MAP7: variants seen among roughly 807,000 people sequenced by gnomAD.
The protein encoded by MAP7 is microtubule associated protein 7.
In MAP7, 52 loss-of-function variants were observed where a neutral mutation model predicts 94.8. The observed-to-expected ratio is 0.55, with a 90% confidence interval of 0.44 to 0.69. The LOEUF is 0.69. Ranked by LOEUF, MAP7 falls within the 30% of genes least tolerant of loss-of-function variation. MAP7 has a pLI of 0.00. For missense variants in MAP7, 940 were observed against 964.6 expected (o/e 0.97, Z 0.34); for synonymous variants, 350 against 357.0 (o/e 0.98, Z 0.22).
chr6:136,487,236 T>A (rs920082484), intron 1 of MAP7, among the ~76,000 whole-genome samples: 4 of 152,206 alleles, frequency 2.6e-5, no homozygotes, highest in Admixed American at 1.3e-4. Context: ...ATGCTTCTGC[T>A]GTAAACTGTA....
intron 1 of MAP7, among the ~76,000 whole-genome samples, chr6:136,540,944 G>C (rs9321560): frequency 0.27 from 41,484 of 152,018 alleles, 7,363 homozygotes; most frequent in African/African-American, 0.5. Flanking sequence ...GCACATGGGC[G>C]CAATAATCAT....
At chr6:136,505,665 A>C (rs1013639582) in intron 1 of MAP7, among the ~76,000 whole-genome samples, 1 of 152,050 alleles carries the variant, frequency 6.6e-6, no homozygotes, top group Non-Finnish European at 1.5e-5. Flanking sequence ...AGGATCCAGA[A>C]ACATATGAGT....
chr6:136,488,567 C>T (rs1251143232), intron 1 of MAP7, among the ~76,000 whole-genome samples: 2 of 151,714 alleles, frequency 1.3e-5, no homozygotes, highest in African/African-American at 4.8e-5. Context: ...GCCTCAGCCT[C>T]CCGAGTAGCT....
At chr6:136,380,638 A>C (rs1467107614) in intron 6 of MAP7, among the ~76,000 whole-genome samples, 1 of 152,260 alleles carries the variant, frequency 6.6e-6, no homozygotes, top group African/African-American at 2.4e-5. Flanking sequence ...GATAGCTTAA[A>C]GATAATAATA....
intron 3 of MAP7, among the ~76,000 whole-genome samples, chr6:136,395,491 A>G (rs1350300274): frequency 1.4e-5 from 2 of 142,890 alleles, no homozygotes; most frequent in Admixed American, 1.5e-4. Flanking sequence ...TAGTTTGCAT[A>G]TATTTTCTCC....
chr6:136,383,871 ATGCTTTC>A, intron 5 of MAP7, 90 bp from the exon 6 acceptor site: 1 of 757,582 alleles, frequency 1.3e-6, no homozygotes, highest in Non-Finnish European at 2.3e-6. Context: ...CTAGGATTGG[ATGCTTTC>A]TGCTCTATTT....
chr6:136,391,551 T>TAAA (rs1474122940), intron 3 of MAP7, among the ~76,000 whole-genome samples: 5 of 74,784 alleles, frequency 6.7e-5, no homozygotes, highest in Non-Finnish European at 1.1e-4. Context: ...TAGAGTATAA[T>TAAA]AAAAAACAAC....
chr6:136,457,738 T>C (rs1305744249), intron 1 of MAP7, among the ~76,000 whole-genome samples: 1 of 151,748 alleles, frequency 6.6e-6, no homozygotes, highest in Non-Finnish European at 1.5e-5. Context: ...AAAAAGAAAT[T>C]GACAAAATTT....
intron 1 of MAP7, 43 bp from the exon 2 acceptor site, chr6:136,421,842 T>C (rs374567350): frequency 2.3e-5 from 34 of 1,465,758 alleles, no homozygotes; most frequent in Non-Finnish European, 3.0e-5. Context: ...TTTAGTTTCT[T>C]AAAATTTCTT....
At chr6:136,487,887 A>T (rs1272753273) in intron 1 of MAP7, among the ~76,000 whole-genome samples, 1 of 152,210 alleles carries the variant, frequency 6.6e-6, no homozygotes, top group Non-Finnish European at 1.5e-5. Context: ...TAACATGGAC[A>T]CGCACTTCAT....
chr6:136,390,897 A>G (rs1351501335), intron 3 of MAP7, among the ~76,000 whole-genome samples: 1 of 152,146 alleles, frequency 6.6e-6, no homozygotes, highest in African/African-American at 2.4e-5. Flanking sequence ...TGGTTTGTGG[A>G]GTGAACTGGG....
intron 1 of MAP7, among the ~76,000 whole-genome samples, chr6:136,440,605 T>A (rs1025876058): frequency 6.6e-6 from 1 of 152,220 alleles, no homozygotes; most frequent in Admixed American, 6.5e-5. Flanking sequence ...AATAGGATTT[T>A]TTTCTCACTT....
intron 6 of MAP7, among the ~76,000 whole-genome samples, chr6:136,379,154 A>C (rs984344229): frequency 3.3e-5 from 5 of 152,346 alleles, no homozygotes; most frequent in African/African-American, 1.2e-4. Context: ...TCATATTTTA[A>C]GTGAATGGCA....
At chr6:136,376,119 G>A (rs1485685393) in intron 7 of MAP7, among the ~76,000 whole-genome samples, 1 of 150,870 alleles carries the variant, frequency 6.6e-6, no homozygotes, top group Non-Finnish European at 1.5e-5. Flanking sequence ...TTTTTTTTGA[G>A]ACGGAGTCTC....
At chr6:136,360,935 C>G in intron 12 of MAP7, 70 bp downstream of exon 12, 2 of 1,546,216 alleles carry the variant, frequency 1.3e-6, no homozygotes, top group South Asian at 1.2e-5. Context: ...CCAGTCCGCA[C>G]CCTCCTCTGC....
chr6:136,458,456 C>T (rs991077919), intron 1 of MAP7, among the ~76,000 whole-genome samples: 1 of 152,128 alleles, frequency 6.6e-6, no homozygotes, highest in Non-Finnish European at 1.5e-5. Context: ...CCCAAAGACT[C>T]TGAATAGTCA....
rs144095399 is a variant in MAP7 at position 136,363,738 on chromosome 6, A to G, written c.1274-1036T>C. 9.2e-5 allele frequency among the ~76,000 whole-genome samples: 14 copies of G among 152,272 alleles called. No individual in the cohort carries two copies. The East Asian group carries it at 2.5e-3, about 27-fold the overall frequency. On this transcript the variant is annotated intron_variant, in intron 10 of 17. Coordinates refer to ENST00000354570, the MANE Select transcript of MAP7 (RefSeq NM_003980.6). ...GGTGAGAACCAGTGGGCCTTCTGGA[A>G]AAAAATTCTGACTTCTATCAAGCAC...
intron 15 of MAP7, among the ~76,000 whole-genome samples, chr6:136,359,539 A>G (rs1582661067): frequency 6.6e-6 from 1 of 152,208 alleles, no homozygotes; most frequent in African/African-American, 2.4e-5. Context: ...ACATATATGT[A>G]TAAGTATATA....
chr6:136,535,757 T>A (rs1041438048), intron 1 of MAP7, among the ~76,000 whole-genome samples: 13 of 152,060 alleles, frequency 8.5e-5, no homozygotes, highest in African/African-American at 1.4e-4. Flanking sequence ...CTTTTTTTTT[T>A]AAATTATACT....
Sources: allele counts gnomAD v4.1 joint callset (sites outside exome capture counted in the v4.1 genomes callset), GRCh38; gene constraint gnomAD v4.1.1; transcripts MANE v1.5; gene names NCBI Gene and HGNC (gene_info 2026-07-23, HGNC 2026-07-21).